The following GRIK2 variants were observed in gnomAD, a reference collection of about 807,000 sequenced individuals.
The protein encoded by GRIK2 is glutamate ionotropic receptor kainate type subunit 2, also known as glutamate receptor ionotropic, kainate 2.
A neutral mutation model predicts 100.3 loss-of-function variants in GRIK2; 32 were observed. The observed-to-expected ratio is 0.32, with a 90% confidence interval of 0.24 to 0.43. The LOEUF is 0.43. Ranked by LOEUF, GRIK2 falls within the 20% of genes least tolerant of loss-of-function variation. The pLI, the probability that GRIK2 is intolerant of heterozygous loss-of-function variation, is 1.00. For missense variants in GRIK2, 843 were observed against 1,114.9 expected, an observed-to-expected ratio of 0.76 and a Z score of 3.47; for synonymous variants, 417 against 389.4, an observed-to-expected ratio of 1.07 and a Z score of -0.83.
At chr6:101,902,113 G>A (rs1470697131) in intron 12 of GRIK2, among the ~76,000 whole-genome samples, 1 of 151,886 alleles carries the variant, frequency 6.6e-6, no homozygotes, top group Non-Finnish European at 1.5e-5. Context: ...TTCCTTTGTA[G>A]CATTTGCCAA....
At chr6:101,676,192 C>G (rs533518236) in intron 4 of GRIK2, among the ~76,000 whole-genome samples, 3 of 152,224 alleles carry the variant, frequency 2.0e-5, no homozygotes, top group East Asian at 3.9e-4. Context: ...GTATTTCAAG[C>G]CTTTAATAGT....
At chr6:101,578,645 C>A (rs1281472073) in intron 2 of GRIK2, among the ~76,000 whole-genome samples, 1 of 152,128 alleles carries the variant, frequency 6.6e-6, no homozygotes, top group East Asian at 1.9e-4. Context: ...GGCCACTCTA[C>A]CTGTAAGTGC....
At chr6:101,930,607 T>C (rs2128472362) in intron 14 of GRIK2, among the ~76,000 whole-genome samples, 1 of 152,200 alleles carries the variant, frequency 6.6e-6, no homozygotes, top group Non-Finnish European at 1.5e-5. Flanking sequence ...AAATATTTTG[T>C]TTTAAAGTTC....
At chr6:101,835,340 G>A (rs1044685129) in intron 10 of GRIK2, among the ~76,000 whole-genome samples, 2 of 151,754 alleles carry the variant, frequency 1.3e-5, no homozygotes, top group African/African-American at 2.4e-5. Context: ...CTGGGTTTAA[G>A]TAAGGGTGAT....
chr6:101,415,849 T>G (rs1776118071), intron 2 of GRIK2, among the ~76,000 whole-genome samples: 1 of 152,192 alleles, frequency 6.6e-6, no homozygotes. Flanking sequence ...AAATTTTAGT[T>G]TCCTTACCTA....
chr6:101,602,741 A>G (rs971226817), intron 2 of GRIK2, among the ~76,000 whole-genome samples: 4 of 151,602 alleles, frequency 2.6e-5, no homozygotes, highest in African/African-American at 4.8e-5. Flanking sequence ...TTGTTATATA[A>G]CTCTAGAATA....
chr6:101,440,289 A>G (rs1205694479), intron 2 of GRIK2, among the ~76,000 whole-genome samples: 2 of 152,204 alleles, frequency 1.3e-5, no homozygotes, highest in African/African-American at 2.4e-5. Context: ...TTATTTGACA[A>G]GGTTCAATTG....
At chr6:101,851,310 T>C (rs1383403724) in intron 10 of GRIK2, among the ~76,000 whole-genome samples, 1 of 152,026 alleles carries the variant, frequency 6.6e-6, no homozygotes, top group Non-Finnish European at 1.5e-5. Flanking sequence ...AAGATTTAAA[T>C]AGCCTAATAA....
intron 7 of GRIK2, among the ~76,000 whole-genome samples, chr6:101,782,768 T>C (rs980867022): frequency 1.3e-5 from 2 of 152,130 alleles, no homozygotes; most frequent in African/African-American, 4.8e-5. Flanking sequence ...TTTTAGTTTA[T>C]TGAGTGAGCA....
At chr6:101,408,234 T>C (rs775645799) in intron 2 of GRIK2, among the ~76,000 whole-genome samples, 1 of 152,116 alleles carries the variant, frequency 6.6e-6, no homozygotes, top group Non-Finnish European at 1.5e-5. Context: ...TTTCTCTTAC[T>C]GAAATGGAAG....
intron 14 of GRIK2, among the ~76,000 whole-genome samples, chr6:102,024,601 GGAATGTGTGATTTA>G (rs1169825763): frequency 6.6e-6 from 1 of 151,244 alleles, no homozygotes; most frequent in Non-Finnish European, 1.5e-5. Context: ...AGAGGAGTGT[GGAATGTGTGATTTA>G]GAAGTAGGAA....
intron 12 of GRIK2, among the ~76,000 whole-genome samples, chr6:101,901,213 T>G (rs1466352766): frequency 6.6e-6 from 1 of 152,020 alleles, no homozygotes; most frequent in Non-Finnish European, 1.5e-5. Context: ...TTTTATGTAA[T>G]ATTATATGTG....
At chr6:101,915,876 C>G (rs1317245212) in intron 12 of GRIK2, among the ~76,000 whole-genome samples, 1 of 151,442 alleles carries the variant, frequency 6.6e-6, no homozygotes, top group Admixed American at 6.6e-5. Context: ...TTTTCCCCCT[C>G]TCTTCAAATA....
chr6:101,443,920 T>C (rs1332199869), intron 2 of GRIK2, among the ~76,000 whole-genome samples: 1 of 152,094 alleles, frequency 6.6e-6, no homozygotes, highest in Non-Finnish European at 1.5e-5. Context: ...GCTCTCACTC[T>C]GTCTTCTCGG....
intron 2 of GRIK2, among the ~76,000 whole-genome samples, chr6:101,451,933 GT>G (rs1437050957): frequency 2.0e-5 from 3 of 151,656 alleles, no homozygotes; most frequent in Non-Finnish European, 4.4e-5. Context: ...GGGTAAAACA[GT>G]ATTCACTAGT....
chr6:102,005,571 C>T (rs762185765), intron 14 of GRIK2, among the ~76,000 whole-genome samples: 1 of 151,946 alleles, frequency 6.6e-6, no homozygotes, highest in African/African-American at 2.4e-5. Flanking sequence ...ATTTATATAA[C>T]CTTTCCATAA....
chr6:102,025,683 A>T (rs1285256967), intron 14 of GRIK2, among the ~76,000 whole-genome samples: 1 of 151,208 alleles, frequency 6.6e-6, no homozygotes, highest in Non-Finnish European at 1.5e-5. Flanking sequence ...TCATATTGTG[A>T]TATGTTTTAA....
intron 11 of GRIK2, among the ~76,000 whole-genome samples, chr6:101,873,969 T>G (rs1040414830): frequency 9.8e-5 from 15 of 152,324 alleles, no homozygotes; most frequent in African/African-American, 3.6e-4. Context: ...TCAATTTGTT[T>G]GAGTTCATTG....
chr6:101,948,044 C>T (rs909047777), intron 14 of GRIK2, among the ~76,000 whole-genome samples: 1 of 152,050 alleles, frequency 6.6e-6, no homozygotes, highest in African/African-American at 2.4e-5. Context: ...AAAAAATGGC[C>T]TCTAATCTCA....
Sources: allele counts gnomAD v4.1 joint callset (sites outside exome capture counted in the v4.1 genomes callset), GRCh38; gene constraint gnomAD v4.1.1; transcripts MANE v1.5; gene names NCBI Gene and HGNC (gene_info 2026-07-23, HGNC 2026-07-21).